ENOX2: variants seen among roughly 807,000 people sequenced by gnomAD.
ENOX2 encodes APK1 antigen.
A neutral mutation model predicts 45.0 loss-of-function variants in ENOX2; 36 were observed. That is an observed-to-expected ratio of 0.80 (90% CI 0.61 to 1.06). ENOX2 has a LOEUF of 1.06. Among genes scored for constraint, ENOX2 ranks in the 50% least tolerant of loss-of-function variants. The probability of loss-of-function intolerance (pLI) is 0.00; values close to 1 mark genes in which losing one functional copy is unlikely to be tolerated. For missense variants in ENOX2, 423 were observed against 462.5 expected (o/e 0.91, Z 0.78); for synonymous variants, 174 against 152.3 (o/e 1.14, Z -1.05).
intron 3 of ENOX2, among the ~76,000 whole-genome samples, chrX:130,726,009 G>A (rs1008873211): frequency 4.5e-5 from 5 of 112,120 alleles, no homozygotes; most frequent in Admixed American, 9.4e-5. Context: ...GACAAAGTAG[G>A]AATTCACACA....
chrX:130,670,013 C>T lies in ENOX2; in HGVS notation c.646G>A (p.Val216Ile). Residue 216 changes from valine (V) to isoleucine (I), a missense_variant, in exon 7 of 15, where the codon GTC (valine) becomes ATC (isoleucine). Coordinates refer to ENST00000394363, the MANE Select transcript of ENOX2 (RefSeq NM_006375.4). ...CTGCATTCATGATCTGAATAGTGGA[C>T]CACTGGGGGTGGAGATGGTGGACGC... ...RLRPPSPPPV[V>I]HYSDHECSIV... The T allele has an allele frequency of 8.3e-7, 1 of 1,211,276 alleles. No homozygotes were observed. The highest frequency in any genetic ancestry group is 1.1e-6 in the Non-Finnish European group (1 of 894,918).
At chrX:130,787,325 C>A (rs1490743529) in intron 2 of ENOX2, among the ~76,000 whole-genome samples, 1 of 112,098 alleles carries the variant, frequency 8.9e-6, no homozygotes, top group Non-Finnish European at 1.9e-5. Flanking sequence ...AATAAGAGTA[C>A]CTAACTCACA....
chrX:130,814,824 C>T (rs892547141), intron 2 of ENOX2, among the ~76,000 whole-genome samples: 1 of 111,575 alleles, frequency 9.0e-6, no homozygotes, highest in African/African-American at 3.3e-5. Flanking sequence ...ATTCCAAAAA[C>T]CAGAACGCCT....
chrX:130,644,025 C>A (rs1367695773), intron 10 of ENOX2, among the ~76,000 whole-genome samples: 3 of 111,372 alleles, frequency 2.7e-5, no homozygotes, highest in Non-Finnish European at 5.7e-5. Flanking sequence ...AAATCAGTAA[C>A]AGAAAGATAG....
At chrX:130,713,994 A>C (rs2148251703) in intron 3 of ENOX2, among the ~76,000 whole-genome samples, 1 of 111,193 alleles carries the variant, frequency 9.0e-6, no homozygotes, top group East Asian at 2.8e-4. Flanking sequence ...AAAAAACAGA[A>C]GCATAAACTT....
intron 3 of ENOX2, among the ~76,000 whole-genome samples, chrX:130,710,253 C>A (rs776878362): frequency 1.1e-4 from 12 of 111,776 alleles, no homozygotes; most frequent in Non-Finnish European, 1.5e-4. Flanking sequence ...TGCAGTAGAG[C>A]CGAGATTCAA....
intron 2 of ENOX2, among the ~76,000 whole-genome samples, chrX:130,855,893 TAGAA>T (rs1400683457): frequency 9.0e-6 from 1 of 111,015 alleles, no homozygotes; most frequent in Non-Finnish European, 1.9e-5. Flanking sequence ...TATAACCAAT[TAGAA>T]AGAAAGGTCA....
At chrX:130,676,537 T>C (rs1201877040) in intron 6 of ENOX2, among the ~76,000 whole-genome samples, 1 of 111,590 alleles carries the variant, frequency 9.0e-6, no homozygotes, top group East Asian at 2.8e-4. Context: ...ATTTTGGTGA[T>C]GTTTAGATGG....
intron 3 of ENOX2, among the ~76,000 whole-genome samples, chrX:130,760,005 T>C (rs946281526): frequency 8.9e-6 from 1 of 112,021 alleles, no homozygotes; most frequent in Admixed American, 9.5e-5. Flanking sequence ...ATTTTCAGTA[T>C]ACAGCTCCTG....
intron 3 of ENOX2, among the ~76,000 whole-genome samples, chrX:130,712,859 C>T (rs2038229158): frequency 9.0e-6 from 1 of 111,678 alleles, no homozygotes; most frequent in Non-Finnish European, 1.9e-5. Context: ...CCTTATGCCC[C>T]TCAGTCGAAT....
intron 2 of ENOX2, among the ~76,000 whole-genome samples, chrX:130,837,093 G>C (rs1220180650): frequency 8.9e-6 from 1 of 112,226 alleles, no homozygotes; most frequent in Admixed American, 9.4e-5. Flanking sequence ...AAAATTGAAA[G>C]TGTTGGAATT....
chrX:130,844,976 GA>G (rs931978420), intron 2 of ENOX2, among the ~76,000 whole-genome samples: 9 of 112,154 alleles, frequency 8.0e-5, no homozygotes, highest in African/African-American at 1.3e-4. Context: ...CATAAACAGT[GA>G]CCCCTTTTCT....
intron 3 of ENOX2, among the ~76,000 whole-genome samples, chrX:130,711,526 T>C (rs2038190426): frequency 9.0e-6 from 1 of 110,834 alleles, no homozygotes; most frequent in Non-Finnish European, 1.9e-5. Flanking sequence ...TGTCATACAT[T>C]CTCTTCCTTG....
At chrX:130,737,093 GA>G (rs775947313) in intron 3 of ENOX2, among the ~76,000 whole-genome samples, 4 of 112,426 alleles carry the variant, frequency 3.6e-5, no homozygotes, top group Non-Finnish European at 7.5e-5. Flanking sequence ...GTTTTCTGAA[GA>G]AGCGAATTAT....
At chrX:130,803,098 T>C (rs1363712723) in intron 2 of ENOX2, among the ~76,000 whole-genome samples, 1 of 112,110 alleles carries the variant, frequency 8.9e-6, no homozygotes, top group Non-Finnish European at 1.9e-5. Context: ...GCATATTTGG[T>C]GCAAAATATT....
At chrX:130,714,498 T>C (rs983172183) in intron 3 of ENOX2, among the ~76,000 whole-genome samples, 1 of 111,463 alleles carries the variant, frequency 9.0e-6, no homozygotes, top group African/African-American at 3.3e-5. Context: ...ACTACAAATT[T>C]GAGAAACACA....
chrX:130,800,847 T>A (rs1361117643), intron 2 of ENOX2, among the ~76,000 whole-genome samples: 1 of 112,443 alleles, frequency 8.9e-6, no homozygotes, highest in Non-Finnish European at 1.9e-5. Context: ...CTTTGGTGCT[T>A]GTCAAATGCT....
intron 2 of ENOX2, among the ~76,000 whole-genome samples, chrX:130,799,488 A>G (rs2077182723): frequency 9.0e-6 from 1 of 111,503 alleles, no homozygotes; most frequent in South Asian, 3.8e-4. Flanking sequence ...CCCTTTATAT[A>G]TACATCTACC....
At chrX:130,707,824 G>C (rs147548974) in intron 3 of ENOX2, among the ~76,000 whole-genome samples, 1 of 112,110 alleles carries the variant, frequency 8.9e-6, no homozygotes, top group Admixed American at 9.4e-5. Flanking sequence ...GCATTGGTCT[G>C]GGAGTCAGAT....
Sources: gnomAD v4.1 joint callset for allele counts (sites outside exome capture counted in the v4.1 genomes callset) on GRCh38, gnomAD v4.1.1 for gene constraint, MANE v1.5 for transcripts, NCBI Gene and HGNC (gene_info 2026-07-23, HGNC 2026-07-21) for gene names.